The following PCBP3 variants were observed in gnomAD, a reference collection of about 807,000 sequenced individuals.
The protein encoded by PCBP3 is poly(rC)-binding protein 3.
A neutral mutation model predicts 52.7 loss-of-function variants in PCBP3; 25 were observed. That is an observed-to-expected ratio of 0.47 (90% CI 0.35 to 0.66). The LOEUF (loss-of-function observed/expected upper bound fraction) is 0.66, where lower values mean the gene tolerates loss of function less well. PCBP3 is among the 30% of genes least tolerant of loss of function. The pLI is 0.01. For missense variants in PCBP3, 391 were observed against 490.3 expected, an observed-to-expected ratio of 0.80 and a Z score of 1.91; for synonymous variants, 162 against 183.0, an observed-to-expected ratio of 0.89 and a Z score of 0.93.
At chr21:45,660,319 A>G (rs1005904328) in intron 1 of PCBP3, among the ~76,000 whole-genome samples, 3 of 152,046 alleles carry the variant, frequency 2.0e-5, no homozygotes, top group Non-Finnish European at 4.4e-5. Flanking sequence ...TTTGCATTGT[A>G]TATATTTTTC....
At chr21:45,875,347 C>A (rs189116707) in intron 5 of PCBP3, among the ~76,000 whole-genome samples, 65 of 152,372 alleles carry the variant, frequency 4.3e-4, no homozygotes, top group African/African-American at 1.4e-3. Flanking sequence ...TCCAGGTTGC[C>A]ACATCCTGGG....
intron 4 of PCBP3, among the ~76,000 whole-genome samples, chr21:45,815,506 GTGAGTGAGTGGTGAGTGA>G (rs1338647426): frequency 1.2e-5 from 1 of 81,178 alleles, no homozygotes; most frequent in Non-Finnish European, 2.5e-5. Context: ...TGAGTGAGTG[GTGAGTGAGTGGTGAGTGA>G]TGAGTGAGTG....
In PCBP3 at chr21:45,737,561, G is replaced by A. The variant is rs1199828026; in HGVS notation, c.-162+2132G>A. On this transcript the variant is annotated intron_variant, in intron 3 of 17. Transcript: ENST00000681687. The surrounding 1 kb of genome is among the most constrained non-coding windows in gnomAD (Gnocchi z 4.9). ...AAATAAACCAGCGTGCTGGGGTGGG[G>A]CGAGCCCGACCATGCAAGCCATGCC... Among the ~76,000 whole-genome samples, 1 of 152,224 alleles carries A rather than the reference G, an allele frequency of 6.6e-6. No homozygotes were observed. Among genetic ancestry groups the A allele is most frequent in the Admixed American group, 6.5e-5 (1 of 15,288 alleles).
At chr21:45,801,700 C>G (rs940961994) in intron 4 of PCBP3, among the ~76,000 whole-genome samples, 2 of 152,204 alleles carry the variant, frequency 1.3e-5, no homozygotes, top group Non-Finnish European at 2.9e-5. Context: ...CATTTTCTGC[C>G]TTTAGCTGCA....
At position 45,851,617 on chromosome 21, in the gene PCBP3, GGATAGATA is replaced by G. The variant is rs578203325; in HGVS notation, c.10+1540_10+1547del. ...TAAATAAAAATAAATATAGATGGAT[GGATAGATA>G]GATAGATAGATAGATAGGTAAAGAA... On this transcript the variant is annotated intron_variant, in intron 5 of 17. Coordinates refer to ENST00000681687, the MANE Select transcript of PCBP3 (RefSeq NM_001384156.1). Among the ~76,000 whole-genome samples the G allele has an allele frequency of 2.2e-4, 33 of 148,374 alleles. No homozygotes were observed. The South Asian group carries it at 4.0e-3, about 18-fold the overall frequency.
At chr21:45,761,254 G>A (rs1025120461) in intron 4 of PCBP3, 1 of 152,080 alleles carries the variant, frequency 6.6e-6, no homozygotes, top group African/African-American at 2.4e-5. Context: ...TTCAGCCCGG[G>A]GAATTCTATT....
chr21:45,773,348 T>G (rs1461793203), intron 4 of PCBP3, among the ~76,000 whole-genome samples: 1 of 152,226 alleles, frequency 6.6e-6, no homozygotes, highest in Non-Finnish European at 1.5e-5. Flanking sequence ...AATTTTATTC[T>G]TCTGCATGTG....
In PCBP3 at chr21:45,736,686, A is replaced by T. The variant is rs2085893209; in HGVS notation, c.-162+1257A>T. 6.6e-6 allele frequency among the ~76,000 whole-genome samples: 1 copy of T among 152,270 alleles called. No homozygotes were observed. The highest frequency in any genetic ancestry group is 2.4e-5 in the African/African-American group (1 of 41,556). On this transcript the variant is annotated intron_variant, in intron 3 of 17. Transcript: ENST00000681687. This position sits in a 1 kb window ranked among gnomAD's most constrained non-coding sequence, Gnocchi z 4.6. ...GGTGACTGGAATCCTGACTAATATC[A>T]TAAGAGGAGAGTTCTTACTAACAAA...
chr21:45,752,151 A>G (rs929054884), intron 3 of PCBP3, among the ~76,000 whole-genome samples: 6 of 152,098 alleles, frequency 3.9e-5, no homozygotes, highest in African/African-American at 1.4e-4. Context: ...TCTTTTATCT[A>G]GATTTTTAAT....
chr21:45,719,358 T>C (rs2084457650), intron 2 of PCBP3, among the ~76,000 whole-genome samples: 1 of 152,064 alleles, frequency 6.6e-6, no homozygotes. Context: ...ACTGAGGAAC[T>C]GAGAAGTGAG....
At chr21:45,762,717 C>T (rs2088835643) in intron 4 of PCBP3, 1 of 152,086 alleles carries the variant, frequency 6.6e-6, no homozygotes, top group Non-Finnish European at 1.5e-5. Context: ...CTCCTGACCT[C>T]AAGTGATCTA....
chr21:45,835,949 C>T (rs886353731), intron 4 of PCBP3, among the ~76,000 whole-genome samples: 2 of 152,160 alleles, frequency 1.3e-5, no homozygotes, highest in African/African-American at 2.4e-5. Context: ...AAGCTGTGGC[C>T]GCAGGCATGG....
At chr21:45,784,414 CGCTACCCCTACCTCCTACCTCCTACCT>C (rs1569218082) in intron 4 of PCBP3, among the ~76,000 whole-genome samples, 4 of 140,502 alleles carry the variant, frequency 2.8e-5, no homozygotes, top group African/African-American at 8.2e-5. Flanking sequence ...CTACCGCTAC[CGCTACCCCTACCTCCTACCTCCTACCT>C]CCTACCTCCT....
At chr21:45,646,107 C>CTCTCTCTCTCTCTCTCTCTCTGTG (rs1555895746) in intron 1 of PCBP3, among the ~76,000 whole-genome samples, 1 of 83,782 alleles carries the variant, frequency 1.2e-5, no homozygotes, top group Non-Finnish European at 2.3e-5. Flanking sequence ...CTCTCTCTCT[C>CTCTCTCTCTCTCTCTCTCTCTGTG]TGTGTGTGTG....
chr21:45,836,011 T>G (rs1481597264), intron 4 of PCBP3, among the ~76,000 whole-genome samples: 1 of 152,114 alleles, frequency 6.6e-6, no homozygotes, highest in South Asian at 2.1e-4. Context: ...AGCAAGAAGT[T>G]TGTGAGTCCT....
intron 2 of PCBP3, among the ~76,000 whole-genome samples, chr21:45,694,378 AATC>A (rs1436060126): frequency 1.3e-5 from 2 of 152,176 alleles, no homozygotes; most frequent in Non-Finnish European, 2.9e-5. Flanking sequence ...AGACGAGAAA[AATC>A]TATACCACTT....
At position 45,896,309 on chromosome 21, in the gene PCBP3, T is replaced by C; in HGVS notation, c.112T>C (p.Ser38Pro). 1.3e-6 allele frequency: 2 copies of C among 1,552,152 alleles called. No homozygotes were observed. Among genetic ancestry groups the C allele is most frequent in the Non-Finnish European group, 1.7e-6 (2 of 1,147,100 alleles). Residue 38 changes from serine (S) to proline (P), a missense_variant, in exon 6 of 18, where the codon TCA becomes CCA. Ser to Pro is a moderately conservative substitution (Grantham distance 74). Coordinates refer to ENST00000681687, the MANE Select transcript of PCBP3 (RefSeq NM_001384156.1). The part of the protein sequence containing the change: ...QFGRRMESKV[S>P]EGGLNVTLTI... ...TGGCAGAAGGATGGAGTCCAAGGTC[T>C]CAGAAGGTGGCCTGAATGTGACCCT...
chr21:45,919,483 C>G (rs187220779), intron 13 of PCBP3: 1 of 152,296 alleles, frequency 6.6e-6, no homozygotes, highest in East Asian at 1.9e-4. Context: ...TATAGAGATG[C>G]AATTTACTAT....
intron 5 of PCBP3, among the ~76,000 whole-genome samples, chr21:45,851,788 A>C (rs2094016767): frequency 6.6e-6 from 1 of 152,224 alleles, no homozygotes; most frequent in Admixed American, 6.5e-5. Context: ...GAAATAGAGA[A>C]CTTGGATAAG....
Sources: gnomAD v4.1 joint callset for allele counts (sites outside exome capture counted in the v4.1 genomes callset) on GRCh38, gnomAD v4.1.1 for gene constraint, Gnocchi (gnomAD v3.1) non-coding constraint, MANE v1.5 for transcripts, NCBI Gene and HGNC (gene_info 2026-07-23, HGNC 2026-07-21) for gene names.